Variants in FAM163A observed in about 807,000 individuals in gnomAD.
FAM163A encodes the protein family with sequence similarity 163 member A, also known as protein FAM163A.
Under a neutral mutation model 12.0 loss-of-function variants are expected in FAM163A, and 7 were observed. The ratio of observed to expected loss-of-function variants is 0.58; its 90% confidence interval spans 0.33 to 1.10. The LOEUF (loss-of-function observed/expected upper bound fraction) is 1.10, where lower values mean the gene tolerates loss of function less well. Among genes scored for constraint, FAM163A ranks in the 50% least tolerant of loss-of-function variants. The pLI is 0.03. For missense variants in FAM163A, 202 were observed against 218.6 expected, an observed-to-expected ratio of 0.92 and a Z score of 0.48; for synonymous variants, 101 against 91.0, an observed-to-expected ratio of 1.11 and a Z score of -0.62.
chr1:179,793,555 A>G lies in FAM163A; in HGVS notation c.-135-14243A>G, dbSNP rs539864120. On this transcript the variant is annotated intron_variant, in intron 1 of 4. Coordinates refer to ENST00000341785, the MANE Select transcript of FAM163A (RefSeq NM_173509.3). ...GTTTAGTGCTATTAGGGGGCAGTGA[A>G]ACCCCAGCTCTAGAGGGTGTCTTAT... Among the ~76,000 whole-genome samples the G allele has an allele frequency of 5.9e-5, 9 of 152,306 alleles. No individual in the cohort carries two copies. The East Asian group carries it at 1.7e-3, about 29-fold the overall frequency.
chr1:179,809,311 C>T (rs545420486), intron 2 of FAM163A, among the ~76,000 whole-genome samples: 2 of 152,292 alleles, frequency 1.3e-5, no homozygotes, highest in East Asian at 3.9e-4. Context: ...ACCCATCCCC[C>T]TCTTTCCTCA....
intron 1 of FAM163A, among the ~76,000 whole-genome samples, chr1:179,747,345 T>C (rs905219677): frequency 6.6e-6 from 1 of 152,154 alleles, no homozygotes; most frequent in Non-Finnish European, 1.5e-5. Context: ...CAAGCACCCA[T>C]TTTTGCTGAT....
intron 1 of FAM163A, among the ~76,000 whole-genome samples, chr1:179,768,117 G>A (rs1687755633): frequency 1.3e-5 from 2 of 152,088 alleles, no homozygotes; most frequent in Admixed American, 6.6e-5. Context: ...TTTGTGAATG[G>A]CTTATTTCAT....
At chr1:179,751,684 C>T (rs1007816960) in intron 1 of FAM163A, among the ~76,000 whole-genome samples, 2 of 151,594 alleles carry the variant, frequency 1.3e-5, no homozygotes, top group Non-Finnish European at 1.5e-5. Context: ...CTCTAGCAAG[C>T]AGACTCAAAA....
rs1006343041 is a variant in FAM163A at position 179,812,110 on chromosome 1, G to A, written c.-44G>A. 4.6e-5 allele frequency: 7 copies of A among 152,578 alleles called. No individual in the cohort carries two copies. Among genetic ancestry groups the A allele is most frequent in the Admixed American group, 1.3e-4 (2 of 15,270 alleles). The allele number at this position is 152,578 out of a possible 1,614,324, so 9.5% of individuals were successfully genotyped here. A position where few individuals can be genotyped will look rare whatever the true frequency, so the allele number is the denominator to read the frequency against. On this transcript the variant is annotated splice_region_variant and 5_prime_UTR_variant, in exon 3 of 5. Coordinates refer to ENST00000341785, the MANE Select transcript of FAM163A (RefSeq NM_173509.3). ...CTCTGTCCTTTCTGTTGTCTTGCAG[G>A]TCGCCGTTCCCTTTACTGAATGTAA...
Position 179,813,798 on chromosome 1 carries a change from G to T in FAM163A, c.113G>T (p.Ser38Ile), listed in dbSNP as rs772605030. ...CRLQYYCCKK[S>I]GTEVADEEEE... ...GCACAGTATTACTGCTGCAAGAAGA[G>T]CGGAACCGAGGTTGCAGACGAGGAG... Residue 38 changes from serine to isoleucine, a missense_variant, in exon 5 of 5, where the codon AGC becomes ATC. By Grantham distance (142) the Ser-to-Ile change is moderately radical. Transcript: ENST00000341785. 6.2e-6 allele frequency: 10 copies of T among 1,613,844 alleles called. No homozygotes were observed. Among genetic ancestry groups the T allele is most frequent in the Non-Finnish European group, 8.5e-6 (10 of 1,180,020 alleles).
intron 1 of FAM163A, among the ~76,000 whole-genome samples, chr1:179,800,791 A>G (rs980384762): frequency 1.3e-5 from 2 of 152,186 alleles, no homozygotes; most frequent in Non-Finnish European, 2.9e-5. Flanking sequence ...CCAGCCAGAC[A>G]AGGTCCAGTC....
intron 1 of FAM163A, among the ~76,000 whole-genome samples, chr1:179,763,585 T>G (rs1687095026): frequency 6.6e-6 from 1 of 152,190 alleles, no homozygotes; most frequent in African/African-American, 2.4e-5. Flanking sequence ...GCTCTAAGGA[T>G]GTGTAATTCT....
the FAM163A span, among the ~76,000 whole-genome samples, chr1:179,733,296 GTTAATCATT>G: frequency 6.6e-6 from 1 of 152,242 alleles, no homozygotes; most frequent in Non-Finnish European, 1.5e-5. Flanking sequence ...GGTTCAAGCT[GTTAATCATT>G]TTAATCATTT....
intron 1 of FAM163A, among the ~76,000 whole-genome samples, chr1:179,800,805 G>GC (rs1243315600): frequency 6.6e-6 from 1 of 152,200 alleles, no homozygotes; most frequent in Non-Finnish European, 1.5e-5. Context: ...TCCAGTCAAG[G>GC]TCATGATCAG....
At chr1:179,746,296 A>G (rs901288337) in intron 1 of FAM163A, among the ~76,000 whole-genome samples, 10 of 152,220 alleles carry the variant, frequency 6.6e-5, no homozygotes, top group African/African-American at 2.2e-4. Context: ...GGGCACAAAG[A>G]TATATGTACA....
upstream of FAM163A, chr1:179,741,886 C>G (rs1292389165): frequency 6.6e-6 from 1 of 152,204 alleles, no homozygotes; most frequent in Non-Finnish European, 1.5e-5. Flanking sequence ...GGGGTGGTAG[C>G]AATGACCTGG....
At chr1:179,771,980 GTT>G (rs1212094079) in intron 1 of FAM163A, among the ~76,000 whole-genome samples, 3 of 152,056 alleles carry the variant, frequency 2.0e-5, no homozygotes, top group Non-Finnish European at 4.4e-5. Context: ...TTGAGATTCT[GTT>G]CTCTGGCCAC....
intron 1 of FAM163A, among the ~76,000 whole-genome samples, chr1:179,784,315 G>A (rs1029190104): frequency 3.3e-5 from 5 of 152,230 alleles, no homozygotes; most frequent in Non-Finnish European, 7.3e-5. Context: ...AGGTAAGAGT[G>A]TAAGATGCAA....
chr1:179,736,632 A>AC, the FAM163A span, among the ~76,000 whole-genome samples: 1 of 151,832 alleles, frequency 6.6e-6, no homozygotes, highest in Non-Finnish European at 1.5e-5. Context: ...AGATGGTGAA[A>AC]CCCCATCTCT....
At chr1:179,761,774 C>A (rs2148049594) in intron 1 of FAM163A, among the ~76,000 whole-genome samples, 1 of 151,922 alleles carries the variant, frequency 6.6e-6, no homozygotes, top group Non-Finnish European at 1.5e-5. Flanking sequence ...GAGTATTGAG[C>A]AGCAAACTGG....
At chr1:179,765,677 A>ATTTTTTTTTTTTTT (rs749528573) in intron 1 of FAM163A, among the ~76,000 whole-genome samples, 1 of 127,230 alleles carries the variant, frequency 7.9e-6, no homozygotes, top group African/African-American at 3.0e-5. Flanking sequence ...AGCTTTGGGA[A>ATTTTTTTTTTTTTT]TTTTTTTTTT....
chr1:179,791,867 G>A (rs548323197), intron 1 of FAM163A, among the ~76,000 whole-genome samples: 100 of 152,252 alleles, frequency 6.6e-4, no homozygotes, highest in African/African-American at 2.0e-3. Context: ...GATGCTGGTC[G>A]AACTGCCTCC....
At chr1:179,797,394 G>A (rs1692478796) in intron 1 of FAM163A, among the ~76,000 whole-genome samples, 1 of 152,096 alleles carries the variant, frequency 6.6e-6, no homozygotes, top group Non-Finnish European at 1.5e-5. Flanking sequence ...GTTGCAGTGA[G>A]CCAAGATCAC....
Sources: allele counts gnomAD v4.1 joint callset (sites outside exome capture counted in the v4.1 genomes callset), GRCh38; gene constraint gnomAD v4.1.1; transcripts MANE v1.5; gene names NCBI Gene and HGNC (gene_info 2026-07-23, HGNC 2026-07-21).